MYBPC2: variants seen among roughly 807,000 people sequenced by gnomAD.
MYBPC2 encodes the protein myosin-binding protein C, fast-type.
MYBPC2 carries 122 observed loss-of-function variants against 137.0 expected under a neutral mutation model. That is an observed-to-expected ratio of 0.89 (90% CI 0.77 to 1.03). The LOEUF is 1.03. Among genes scored for constraint, MYBPC2 ranks in the 50% least tolerant of loss-of-function variants. The probability of loss-of-function intolerance (pLI) is 0.00; values close to 1 mark genes in which losing one functional copy is unlikely to be tolerated. For synonymous variants in MYBPC2, 626 were observed against 612.3 expected (o/e 1.02, Z -0.33); for missense variants, 1,500 against 1,534.4 (o/e 0.98, Z 0.37).
chr19:50,451,070 T>A (rs958918451), intron 14 of MYBPC2, 135 bp downstream of exon 14: 1 of 1,018,736 alleles, frequency 9.8e-7, no homozygotes, highest in Non-Finnish European at 1.5e-6. Flanking sequence ...GTCCCGCTCA[T>A]GGCTGGAGTC....
rs368448859 is a variant in MYBPC2, at chr19:50,459,214, G to T, written c.2699G>T (p.Arg900Leu). 1.3e-5 allele frequency: 21 copies of T among 1,610,718 alleles called. No homozygotes were observed. The highest frequency in any genetic ancestry group is 2.2e-5 in the South Asian group (2 of 90,874). Residue 900 changes from arginine (R) to leucine (L), a missense_variant, in exon 23 of 28, where the codon CGC becomes CTC. Arg to Leu is a moderately radical substitution (Grantham distance 102, BLOSUM62 -2). Transcript: ENST00000357701. ...GACTTCGACACCGTGTTCTTCGTGC[G>T]CCAGGCGGCCCGCTCCGACTCCGGG... ...TSDFDTVFFVRQAARSDSGEY... is the reference protein window; with the variant it reads ...TSDFDTVFFVLQAARSDSGEY...
In MYBPC2 at chr19:50,458,696, C is replaced by T. The variant is rs918614329; in HGVS notation, c.2448C>T (p.Ile816=). ...TCTTCCGAGTAGTTGGGGTCAACAT[C>T]GCGGGGCGCAGCGAGCCGGCCACCC... ...RILFRVVGVN[I]AGRSEPATLA... The change falls in exon 21 of 28, where the codon ATC becomes ATT. Residue 816 remains isoleucine (I), a synonymous_variant. Coordinates refer to ENST00000357701, the MANE Select transcript of MYBPC2 (RefSeq NM_004533.4). 6.2e-7 allele frequency: 1 copy of T among 1,611,138 alleles called. No homozygotes were observed.
Position 50,435,150 on chromosome 19 carries a change from C to T in MYBPC2, c.20-11C>T. The T allele has an allele frequency of 7.8e-7, 1 of 1,275,348 alleles. No homozygotes were observed. Among genetic ancestry groups the T allele is most frequent in the Non-Finnish European group, 1.1e-6 (1 of 878,678 alleles). 79.0% of individuals were successfully genotyped at this position (1,275,348 alleles called of 1,614,324 possible). On this transcript the variant is annotated splice_polypyrimidine_tract_variant and intron_variant, in intron 1 of 27. Transcript: ENST00000357701. This position sits in a 1 kb window ranked among gnomAD's most constrained non-coding sequence, Gnocchi z 4.8. The stretch of plus-strand genomic sequence containing the variant: ...CCGCATGCTCAACTATGACTGTCCC[C>T]TACCTTACAGCGGCCAAAAAGGCCC...
At chr19:50,438,475 T>C (rs2039723681) in intron 7 of MYBPC2, among the ~76,000 whole-genome samples, 1 of 152,132 alleles carries the variant, frequency 6.6e-6, no homozygotes, top group African/African-American at 2.4e-5. Context: ...AATAGGTGGC[T>C]GAGTTCACCA....
At chr19:50,441,134 G>C in intron 8 of MYBPC2, 58 bp downstream of exon 8, 1 of 1,474,590 alleles carries the variant, frequency 6.8e-7, no homozygotes, top group Non-Finnish European at 9.1e-7. Context: ...TAGCCTTGTG[G>C]GTGTCTAATG....
In MYBPC2 at chr19:50,435,674, A is replaced by G; in HGVS notation, c.110-102A>G. On this transcript the variant is annotated intron_variant, in intron 2 of 27. Coordinates refer to ENST00000357701, the MANE Select transcript of MYBPC2 (RefSeq NM_004533.4). This position sits in a 1 kb window ranked among gnomAD's most constrained non-coding sequence, Gnocchi z 4.8. ...CCCCCATGATGTTTGGTTTCTGAGT[A>G]GAGGGGCCCTCACTGTCTCTAAGTC... 3.2e-6 allele frequency: 3 copies of G among 950,710 alleles called. No individual in the cohort carries two copies. The highest frequency in any genetic ancestry group is 4.7e-6 in the Non-Finnish European group (3 of 642,594). The allele number at this position is 950,710 out of a possible 1,614,324, so 58.9% of individuals were successfully genotyped here. A position where few individuals can be genotyped will look rare whatever the true frequency, so the allele number is the denominator to read the frequency against.
rs762541156 is a variant in MYBPC2 at position 50,462,021 on chromosome 19, C to CA, written c.3214dup (p.Arg1072LysfsTer19). ...ACTCGGCAGCCCTCAACTGTGCTGT[C>CA]AGAGGCCACCCGAAGGTGCCAGGGC... On this transcript the variant is annotated frameshift_variant, in exon 26 of 28. Transcript: ENST00000357701. LOFTEE classifies it high-confidence loss of function. The CA allele has an allele frequency of 4.5e-6, 7 of 1,572,316 alleles. No individual in the cohort carries two copies. In the South Asian group the frequency reaches 4.7e-5, roughly 11 times the overall value.
chr19:50,464,908 C>T (rs1039841323), intron 27 of MYBPC2, among the ~76,000 whole-genome samples: 1 of 152,068 alleles, frequency 6.6e-6, no homozygotes, highest in Non-Finnish European at 1.5e-5. Flanking sequence ...GGCGGGAGCT[C>T]CCAAGAGTGC....
Position 50,435,717 on chromosome 19 carries a change from C to G in MYBPC2, c.110-59C>G, listed in dbSNP as rs2039695991. On this transcript the variant is annotated intron_variant, in intron 2 of 27. Transcript: ENST00000357701. This position sits in a 1 kb window ranked among gnomAD's most constrained non-coding sequence, Gnocchi z 4.8. ...TCTAAGTCCTTTCCCCAAAGCGGCC[C>G]ACTGTCCCCTCCCCAGCCTATCTCA... The G allele has an allele frequency of 7.0e-7, 1 of 1,434,452 alleles. No homozygotes were observed. Among genetic ancestry groups the G allele is most frequent in the Admixed American group, 2.2e-5 (1 of 46,176 alleles). The allele number at this position is 1,434,452 out of a possible 1,614,324, so 88.9% of individuals were successfully genotyped here. A position where few individuals can be genotyped will look rare whatever the true frequency, so the allele number is the denominator to read the frequency against.
At position 50,435,687 on chromosome 19, in the gene MYBPC2, C is replaced by A; in HGVS notation, c.110-89C>A. The A allele has an allele frequency of 8.9e-7, 1 of 1,119,896 alleles. No individual in the cohort carries two copies. The highest frequency in any genetic ancestry group is 1.3e-6 in the Non-Finnish European group (1 of 793,014). The allele number at this position is 1,119,896 out of a possible 1,614,324, so 69.4% of individuals were successfully genotyped here. A position where few individuals can be genotyped will look rare whatever the true frequency, so the allele number is the denominator to read the frequency against. ...TGGTTTCTGAGTAGAGGGGCCCTCACTGTCTCTAAGTCCTTTCCCCAAAGC... is the reference window on the plus strand; with the variant it reads ...TGGTTTCTGAGTAGAGGGGCCCTCAATGTCTCTAAGTCCTTTCCCCAAAGC... On this transcript the variant is annotated intron_variant, in intron 2 of 27. Transcript: ENST00000357701. This position sits in a 1 kb window ranked among gnomAD's most constrained non-coding sequence, Gnocchi z 4.8.
intron 12 of MYBPC2, among the ~76,000 whole-genome samples, chr19:50,446,841 G>A (rs1369312311): frequency 7.0e-6 from 1 of 143,744 alleles, no homozygotes; most frequent in African/African-American, 2.6e-5. Context: ...AAAAAAATTA[G>A]CCGAGCATGG....
intron 25 of MYBPC2, 66 bp from the exon 26 acceptor site, chr19:50,461,834 G>A (rs2039974425): frequency 6.3e-7 from 1 of 1,576,328 alleles, no homozygotes; most frequent in Admixed American, 1.9e-5. Flanking sequence ...ATTGCGGTTT[G>A]TTCCCTGGTT....
chr19:50,440,627 C>T (rs1270305418), intron 7 of MYBPC2, among the ~76,000 whole-genome samples: 1 of 147,244 alleles, frequency 6.8e-6, no homozygotes, highest in Non-Finnish European at 1.5e-5. Flanking sequence ...CACGCCACTG[C>T]ACTCCAGCCT....
chr19:50,461,615 A>G lies in MYBPC2; in HGVS notation c.3005A>G (p.Tyr1002Cys). 2 of 1,613,344 alleles carry G rather than the reference A, an allele frequency of 1.2e-6. No individual in the cohort carries two copies. The highest frequency in any genetic ancestry group is 8.5e-7 in the Non-Finnish European group (1 of 1,179,766). The change falls in exon 25 of 28, where the codon TAC (tyrosine) becomes TGC (cysteine). Residue 1002 changes from tyrosine to cysteine, a missense_variant. Transcript: ENST00000357701. ...TVSDLIVGNE[Y>C]YFRVYTENIC... ...TCCGACCTTATCGTGGGCAATGAAT[A>G]CTATTTCCGAGTTTACACCGAGAAC...
intron 1 of MYBPC2, among the ~76,000 whole-genome samples, chr19:50,433,613 T>C (rs2039677046): frequency 1.3e-5 from 2 of 152,040 alleles, no homozygotes; most frequent in South Asian, 4.2e-4. Flanking sequence ...CAGGCTGGTC[T>C]CAAACCCCCA....
chr19:50,448,331 G>T lies in MYBPC2; in HGVS notation c.1413G>T (p.Trp471Cys). ...EVSDEKVTGK[W>C]YKNGVEVRPS... ...CTGATGAGAAAGTGACGGGCAAGTG[G>T]TATAAGAATGGGGTCGAGGTGCGGC... Residue 471 changes from tryptophan to cysteine, a missense_variant, in exon 13 of 28, where the codon TGG becomes TGT. Coordinates refer to ENST00000357701, the MANE Select transcript of MYBPC2 (RefSeq NM_004533.4). 1 of 1,613,932 alleles carries T rather than the reference G, an allele frequency of 6.2e-7. No individual in the cohort carries two copies. Among genetic ancestry groups the T allele is most frequent in the South Asian group, 1.1e-5 (1 of 91,088 alleles).
intron 25 of MYBPC2, 34 bp from the exon 26 acceptor site, chr19:50,461,866 T>C: frequency 6.3e-7 from 1 of 1,585,338 alleles, no homozygotes; most frequent in African/African-American, 1.3e-5. Flanking sequence ...AGAATCTAGA[T>C]CAGTCGCCTT....
intron 11 of MYBPC2, among the ~76,000 whole-genome samples, chr19:50,444,593 C>T (rs2039786451): frequency 6.6e-6 from 1 of 152,118 alleles, no homozygotes; most frequent in Non-Finnish European, 1.5e-5. Flanking sequence ...AAAAAAATGT[C>T]AACATGGCCG....
At chr19:50,448,470 AT>A in intron 13 of MYBPC2, 80 bp downstream of exon 13, 1 of 1,509,192 alleles carries the variant, frequency 6.6e-7, no homozygotes, top group Non-Finnish European at 8.9e-7. Flanking sequence ...GCTGTCCCCC[AT>A]TTATTTTTTT....
Sources: allele counts gnomAD v4.1 joint callset (sites outside exome capture counted in the v4.1 genomes callset), GRCh38; gene constraint gnomAD v4.1.1; non-coding constraint Gnocchi (gnomAD v3.1); transcripts MANE v1.5; gene names NCBI Gene and HGNC (gene_info 2026-07-23, HGNC 2026-07-21).